The following CPLANE1 variants were observed in gnomAD, a reference collection of about 807,000 sequenced individuals.
CPLANE1 encodes ciliogenesis and planar polarity effector 1.
CPLANE1 carries 263 observed loss-of-function variants against 362.5 expected under a neutral mutation model. The ratio of observed to expected loss-of-function variants is 0.73; its 90% CI spans 0.66 to 0.80. The LOEUF is 0.80. CPLANE1 is among the 30% of genes least tolerant of loss of function. The pLI, the probability that CPLANE1 is intolerant of heterozygous loss-of-function variation, is 0.00. For synonymous variants in CPLANE1, 1,212 were observed against 1,302.6 expected, an observed-to-expected ratio of 0.93 and a Z score of 1.50; for missense variants, 3,461 against 3,793.4, an observed-to-expected ratio of 0.91 and a Z score of 2.30.
At chr5:37,113,413 G>A (rs530862087) in intron 51 of CPLANE1, among the ~76,000 whole-genome samples, 21 of 152,346 alleles carry the variant, frequency 1.4e-4, no homozygotes, top group Non-Finnish European at 2.9e-4. Context: ...CCACAGCCAT[G>A]TGAAACTGTG....
intron 44 of CPLANE1, chr5:37,140,649 A>C (rs1769411366): frequency 2.0e-6 from 2 of 985,430 alleles, no homozygotes; most frequent in Admixed American, 1.2e-4. Flanking sequence ...TCTTCCAATA[A>C]CGACTGGGCT....
At chr5:37,086,962 A>C in the CPLANE1 span, among the ~76,000 whole-genome samples, 1 of 152,222 alleles carries the variant, frequency 6.6e-6, no homozygotes, top group Admixed American at 6.5e-5. Context: ...TCAAGTGAGT[A>C]ATCAGTAAGT....
intron 16 of CPLANE1, chr5:37,210,221 G>C: frequency 6.3e-7 from 1 of 1,592,930 alleles, no homozygotes; most frequent in Non-Finnish European, 8.6e-7. Flanking sequence ...ATGCTCAAAG[G>C]CAACTTTTAC....
At chr5:37,077,850 A>G in the CPLANE1 span, among the ~76,000 whole-genome samples, 2 of 151,988 alleles carry the variant, frequency 1.3e-5, no homozygotes, top group East Asian at 3.9e-4. Flanking sequence ...TCCTGGACTC[A>G]AGCGATCCTC....
chr5:37,229,638 CT>C (rs1299257810), intron 9 of CPLANE1, among the ~76,000 whole-genome samples: 2 of 152,148 alleles, frequency 1.3e-5, no homozygotes, highest in Non-Finnish European at 2.9e-5. Flanking sequence ...TTTCAAATGT[CT>C]TTTCCAACTT....
intron 43 of CPLANE1, 129 bp from the exon 44 acceptor site, chr5:37,142,609 G>A: frequency 1.8e-6 from 1 of 541,628 alleles, no homozygotes; most frequent in Non-Finnish European, 3.1e-6. Flanking sequence ...TATGCTAATA[G>A]CTTTCTACTG....
At position 37,221,326 on chromosome 5, in the gene CPLANE1, GA is replaced by G; in HGVS notation, c.2743del (p.Ser915GlnfsTer22). On this transcript the variant is annotated frameshift_variant, in exon 15 of 53. Coordinates refer to ENST00000651892, the MANE Select transcript of CPLANE1 (RefSeq NM_001384732.1). ...AAGAAAGAAAAAAAAAAGCATACCTGAAAAATCTTTATTTTCTTTTACAGGT... is the reference window on the plus strand; with the variant it reads ...AAGAAAGAAAAAAAAAAGCATACCTGAAAATCTTTATTTTCTTTTACAGGT... ...QLPVKENKDF[S>X]GAAKSHFECG... The G allele has an allele frequency of 6.7e-7, 1 of 1,488,932 alleles. No homozygotes were observed. Among genetic ancestry groups the G allele is most frequent in the African/African-American group, 1.4e-5 (1 of 69,200 alleles). 92.2% of individuals were successfully genotyped at this position (1,488,932 alleles called of 1,614,324 possible).
intron 44 of CPLANE1, chr5:37,139,830 A>AT: frequency 1.0e-6 from 1 of 985,356 alleles, no homozygotes; most frequent in Non-Finnish European, 1.2e-6. Context: ...GATTACAGGC[A>AT]TGGGCCATCG....
intron 41 of CPLANE1, among the ~76,000 whole-genome samples, chr5:37,156,063 C>T (rs1000354831): frequency 6.6e-6 from 1 of 152,184 alleles, no homozygotes; most frequent in African/African-American, 2.4e-5. Context: ...AATACACATG[C>T]CCTAACACAT....
the CPLANE1 span, among the ~76,000 whole-genome samples, chr5:37,094,415 C>G: frequency 6.6e-6 from 1 of 152,078 alleles, no homozygotes; most frequent in Non-Finnish European, 1.5e-5. Context: ...CTATCAAAAC[C>G]TCTGGGATAC....
chr5:37,162,329 A>T (rs1240295945), intron 38 of CPLANE1, 136 bp downstream of exon 38: 6 of 606,516 alleles, frequency 9.9e-6, no homozygotes, highest in South Asian at 9.0e-5. Context: ...CCAAGACTGG[A>T]AAGAAAAATC....
intron 45 of CPLANE1, among the ~76,000 whole-genome samples, chr5:37,139,054 A>G (rs558296067): frequency 3.0e-4 from 45 of 152,188 alleles, no homozygotes; most frequent in Non-Finnish European, 5.0e-4. Flanking sequence ...AAAAGGAAAC[A>G]TATGGTCCAG....
At chr5:37,136,903 A>G (rs1767891372) in intron 46 of CPLANE1, among the ~76,000 whole-genome samples, 1 of 152,182 alleles carries the variant, frequency 6.6e-6, no homozygotes, top group Non-Finnish European at 1.5e-5. Flanking sequence ...CTGCCCCAGG[A>G]AACCATTTTT....
chr5:37,186,067 G>A (rs368562617), intron 24 of CPLANE1, among the ~76,000 whole-genome samples: 1 of 152,182 alleles, frequency 6.6e-6, no homozygotes, highest in African/African-American at 2.4e-5. Context: ...CACAGTTACT[G>A]ACTGACAGAG....
At chr5:37,138,435 G>A in intron 46 of CPLANE1, 1 of 494,288 alleles carries the variant, frequency 2.0e-6, no homozygotes, top group South Asian at 1.7e-5. Context: ...TAATTTTTGG[G>A]TAAAGTGCTA....
intron 21 of CPLANE1, among the ~76,000 whole-genome samples, chr5:37,193,549 G>A (rs1328587504): frequency 1.3e-5 from 2 of 151,892 alleles, no homozygotes; most frequent in East Asian, 3.9e-4. Context: ...CAGCTACTGG[G>A]AAGGCTGAGG....
chr5:37,114,857 C>G (rs1347886340), intron 51 of CPLANE1, 103 bp downstream of exon 51: 1 of 669,480 alleles, frequency 1.5e-6, no homozygotes, highest in Non-Finnish European at 2.5e-6. Flanking sequence ...CGACATTGCA[C>G]CACTGCACTC....
At chr5:37,231,428 G>A (rs1344233667) in intron 8 of CPLANE1, among the ~76,000 whole-genome samples, 2 of 152,136 alleles carry the variant, frequency 1.3e-5, no homozygotes, top group Admixed American at 6.5e-5. Context: ...TAAGCCAGGC[G>A]TGGTGGCGGG....
chr5:37,154,459 C>CTTTTTTTTTTGTTTTTTTTTTTTT (rs1774456253), intron 41 of CPLANE1, among the ~76,000 whole-genome samples: 1 of 84,622 alleles, frequency 1.2e-5, no homozygotes, highest in Non-Finnish European at 2.1e-5. Flanking sequence ...TGCAATAGTT[C>CTTTTTTTTTTGTTTTTTTTTTTTT]TTTTTTTTTT....
Sources: allele counts gnomAD v4.1 joint callset (sites outside exome capture counted in the v4.1 genomes callset), GRCh38; gene constraint gnomAD v4.1.1; transcripts MANE v1.5; gene names NCBI Gene and HGNC (gene_info 2026-07-23, HGNC 2026-07-21).